Variants in TLK1 observed in about 807,000 individuals in gnomAD.
TLK1 encodes serine/threonine-protein kinase tousled-like 1.
TLK1 carries 24 observed loss-of-function variants against 105.3 expected under a neutral mutation model. The observed-to-expected ratio is 0.23, with a 90% CI of 0.17 to 0.32. TLK1 has a LOEUF of 0.32. Among genes scored for constraint, TLK1 ranks in the 10% least tolerant of loss-of-function variants. The pLI is 1.00. For synonymous variants in TLK1, 321 were observed against 310.4 expected, an observed-to-expected ratio of 1.03 and a Z score of -0.36; for missense variants, 558 against 910.5, an observed-to-expected ratio of 0.61 and a Z score of 4.98.
At chr2:171,205,760 G>A (rs996118938) in intron 1 of TLK1, among the ~76,000 whole-genome samples, 1 of 152,224 alleles carries the variant, frequency 6.6e-6, no homozygotes, top group African/African-American at 2.4e-5. Context: ...CTTAAGCTGA[G>A]TAATCTGCTT....
chr2:171,207,911 G>T (rs1017117096), intron 1 of TLK1, among the ~76,000 whole-genome samples: 1 of 152,082 alleles, frequency 6.6e-6, no homozygotes, highest in African/African-American at 2.4e-5. Context: ...ATTTTTAGTA[G>T]AGATGGAGTT....
chr2:171,138,030 TATAAAAGTTAAATTATACA>T (rs1294879611), intron 1 of TLK1, among the ~76,000 whole-genome samples: 1 of 152,110 alleles, frequency 6.6e-6, no homozygotes, highest in African/African-American at 2.4e-5. Context: ...AAAGGCATCC[TATAAAAGTTAAATTATACA>T]ATAAAATTAT....
intron 4 of TLK1, chr2:171,060,075 A>G (rs967227868): frequency 1.9e-6 from 3 of 1,575,984 alleles, no homozygotes; most frequent in East Asian, 2.3e-5. Context: ...AAGCCAGACT[A>G]AAGCAAATAT....
intron 1 of TLK1, among the ~76,000 whole-genome samples, chr2:171,219,708 C>T (rs111743043): frequency 1.3e-5 from 2 of 151,608 alleles, no homozygotes; most frequent in African/African-American, 4.8e-5. Flanking sequence ...TCAAGAAATT[C>T]TCATGCCTCA....
upstream of TLK1, among the ~76,000 whole-genome samples, chr2:171,162,268 G>A (rs923821428): frequency 1.3e-5 from 2 of 152,190 alleles, no homozygotes; most frequent in Admixed American, 1.3e-4. Context: ...GGCCAGGTGC[G>A]GTGGCTCACG....
intron 1 of TLK1, among the ~76,000 whole-genome samples, chr2:171,222,661 G>A (rs1379543750): frequency 6.6e-6 from 1 of 151,954 alleles, no homozygotes; most frequent in Non-Finnish European, 1.5e-5. Context: ...GTGAAATTTT[G>A]ATACAACCAT....
intron 1 of TLK1, among the ~76,000 whole-genome samples, chr2:171,221,166 A>G (rs1353140894): frequency 1.3e-5 from 2 of 152,214 alleles, no homozygotes; most frequent in African/African-American, 4.8e-5. Flanking sequence ...TGTCATAGTT[A>G]TCCTTTATTT....
At position 171,217,072 on chromosome 2, in the gene TLK1, C is replaced by T. The variant is rs79205422; in HGVS notation, c.-6+14073G>A. ...TGCATTTATCCTCCCTACTTTTTCA[C>T]TGTTACCTCCTACCTTCCAACAGCA... On this transcript the variant is annotated intron_variant, in intron 1 of 20. Transcript: ENST00000521943. Among the ~76,000 whole-genome samples, 94 of 152,344 alleles carry T rather than the reference C, an allele frequency of 6.2e-4. 4 individuals carry two copies. The East Asian group carries it at 0.016, about 26-fold the overall frequency.
chr2:171,226,261 T>C (rs1380071820), intron 1 of TLK1, among the ~76,000 whole-genome samples: 2 of 152,196 alleles, frequency 1.3e-5, no homozygotes, highest in Admixed American at 6.5e-5. Flanking sequence ...TAGGTACAAA[T>C]AGACATTTTA....
chr2:171,027,117 C>T (rs1286049144), intron 12 of TLK1, among the ~76,000 whole-genome samples: 3 of 152,222 alleles, frequency 2.0e-5, no homozygotes, highest in Non-Finnish European at 2.9e-5. Context: ...ATATTAATAA[C>T]ATTTCCAAAA....
chr2:171,003,354 A>G (rs576890331), intron 18 of TLK1, among the ~76,000 whole-genome samples: 2 of 150,734 alleles, frequency 1.3e-5, no homozygotes, highest in Admixed American at 1.3e-4. Flanking sequence ...CAGCTTTACA[A>G]ATTTCTTTTT....
At chr2:171,092,035 T>TA (rs1324201862) in intron 2 of TLK1, among the ~76,000 whole-genome samples, 2 of 141,686 alleles carry the variant, frequency 1.4e-5, no homozygotes, top group African/African-American at 5.0e-5. Flanking sequence ...CCCGGCCGTC[T>TA]TTTTTTTTTT....
At position 171,160,156 on chromosome 2, in the gene TLK1, G is replaced by A; in HGVS notation, c.139+134C>T. On this transcript the variant is annotated intron_variant, in intron 1 of 20. Transcript: ENST00000431350. This position sits in a 1 kb window ranked among gnomAD's most constrained non-coding sequence, Gnocchi z 4.4. ...GAGCCGGGGAGCCGGGCGGCCTCGC[G>A]TCCACCTCGCCACCATCCCCCACCC... 1 of 1,038,556 alleles carries A rather than the reference G, an allele frequency of 9.6e-7. No homozygotes were observed. 64.3% of individuals were successfully genotyped at this position (1,038,556 alleles called of 1,614,324 possible).
At position 170,993,696 on chromosome 2, in the gene TLK1, A is replaced by C; in HGVS notation, c.*84T>G. ...AAAAAAAAAAAAAAAAAAAAGAAAA[A>C]GAAAACAAACACTCAAATGCTCTCA... is the stretch of plus-strand genomic sequence containing the variant. On this transcript the variant is annotated 3_prime_UTR_variant, in exon 21 of 21. Coordinates refer to ENST00000431350, the MANE Select transcript of TLK1 (RefSeq NM_012290.5). 1 of 1,119,364 alleles carries C rather than the reference A, an allele frequency of 8.9e-7. No homozygotes were observed. Among genetic ancestry groups the C allele is most frequent in the Non-Finnish European group, 1.2e-6 (1 of 833,152 alleles). 69.3% of individuals were successfully genotyped at this position (1,119,364 alleles called of 1,614,324 possible).
intron 2 of TLK1, among the ~76,000 whole-genome samples, chr2:171,104,276 CAA>C (rs200041617): frequency 6.5e-5 from 7 of 108,322 alleles, no homozygotes; most frequent in Admixed American, 9.3e-5. Context: ...GATTCTGTCT[CAA>C]AAAAAAAAAA....
chr2:170,993,676 AAAAAAAAAAAAAAAG>A lies in TLK1; in HGVS notation c.*89_*103del. On this transcript the variant is annotated 3_prime_UTR_variant, in exon 21 of 21. Transcript: ENST00000431350. ...CTTAACCACGTCTTGTGTAAAAAAA[AAAAAAAAAAAAAAAG>A]AAAAAGAAAACAAACACTCAAATGC... 1.2e-6 allele frequency: 1 copy of A among 855,260 alleles called. No individual in the cohort carries two copies. The highest frequency in any genetic ancestry group is 1.6e-6 in the Non-Finnish European group (1 of 630,494). The allele number at this position is 855,260 out of a possible 1,614,324, so 53.0% of individuals were successfully genotyped here.
upstream of TLK1, among the ~76,000 whole-genome samples, chr2:171,162,983 G>A (rs1360607025): frequency 6.6e-6 from 1 of 152,106 alleles, no homozygotes; most frequent in African/African-American, 2.4e-5. Flanking sequence ...GTAGAGATGG[G>A]GTTTCACCAT....
At chr2:170,998,879 G>A (rs527519103) in intron 18 of TLK1, among the ~76,000 whole-genome samples, 11 of 152,014 alleles carry the variant, frequency 7.2e-5, no homozygotes, top group Non-Finnish European at 1.6e-4. Flanking sequence ...TGTGACCCTC[G>A]CACCTTAGCC....
At chr2:171,100,797 T>G (rs979167690) in intron 2 of TLK1, among the ~76,000 whole-genome samples, 1 of 152,198 alleles carries the variant, frequency 6.6e-6, no homozygotes, top group African/African-American at 2.4e-5. Flanking sequence ...AGAGTTAACA[T>G]AGAATCAGTA....
Sources: allele counts gnomAD v4.1 joint callset (sites outside exome capture counted in the v4.1 genomes callset), GRCh38; gene constraint gnomAD v4.1.1; non-coding constraint Gnocchi (gnomAD v3.1); transcripts MANE v1.5; gene names NCBI Gene and HGNC (gene_info 2026-07-23, HGNC 2026-07-21).